Variants in MRC1 observed in about 807,000 individuals in gnomAD.
MRC1 encodes the protein mannose receptor C-type 1.
In MRC1, 62 loss-of-function variants were observed where a neutral mutation model predicts 102.9. The observed-to-expected ratio is 0.60, with a 90% CI of 0.49 to 0.74. The LOEUF is 0.74. Ranked by LOEUF, MRC1 falls within the 30% of genes least tolerant of loss-of-function variation. MRC1 has a pLI of 0.00. For synonymous variants in MRC1, 457 were observed against 298.4 expected (o/e 1.53, Z -5.48); for missense variants, 1,237 against 862.8 (o/e 1.43, Z -5.43).
Position 17,895,550 on chromosome 10 carries a change from T to C in MRC1, c.3250+1238T>C, listed in dbSNP as rs1395147043. Among the ~76,000 whole-genome samples, 5 of 152,334 alleles carry C rather than the reference T, an allele frequency of 3.3e-5. No homozygotes were observed. In the East Asian group the frequency reaches 7.7e-4, roughly 23 times the overall value. The stretch of plus-strand genomic sequence containing the variant: ...TTTGTGCCTCATTATTTGTCCTATA[T>C]CTTGTGTGCCTTAAACATGTGGATA... On this transcript the variant is annotated intron_variant, in intron 23 of 29. Transcript: ENST00000569591.
At chr10:17,810,227 T>C (rs1044026388) in intron 1 of MRC1, among the ~76,000 whole-genome samples, 60 of 152,308 alleles carry the variant, frequency 3.9e-4, no homozygotes, top group African/African-American at 1.4e-3. Context: ...CTTTTCTATT[T>C]CTCTATACTC....
chr10:17,810,538 GTC>G (rs1365858449), intron 1 of MRC1, among the ~76,000 whole-genome samples: 1 of 152,160 alleles, frequency 6.6e-6, no homozygotes, highest in Non-Finnish European at 1.5e-5. Context: ...TTTACATCCT[GTC>G]TCTCTCACTC....
At position 17,863,520 on chromosome 10, in the gene MRC1, T is replaced by C. The variant is rs1833215563; in HGVS notation, c.1635-14T>C. On this transcript the variant is annotated splice_polypyrimidine_tract_variant and intron_variant, in intron 10 of 29. Coordinates refer to ENST00000569591, the MANE Select transcript of MRC1 (RefSeq NM_002438.4). ...TTCAAAAACTTAATTGAATGTTAAT[T>C]CTTCTTTTTAAAGATATGAACAAGC... is the stretch of plus-strand genomic sequence containing the variant. 3.8e-6 allele frequency: 3 copies of C among 780,560 alleles called. No homozygotes were observed. The highest frequency in any genetic ancestry group is 7.2e-6 in the Non-Finnish European group (3 of 417,912). The allele number at this position is 780,560 out of a possible 1,614,324, so 48.4% of individuals were successfully genotyped here.
Position 17,810,926 on chromosome 10 carries a change from G to A in MRC1, c.61+1400G>A, listed in dbSNP as rs1489739553. ...TCCTGCCTCGGCCTCCCAAGTAGCT[G>A]GGATTACAGGCATGCACCACCATGC... is the stretch of plus-strand genomic sequence containing the variant. On this transcript the variant is annotated intron_variant, in intron 1 of 29. Transcript: ENST00000569591. Among the ~76,000 whole-genome samples the A allele has an allele frequency of 5.9e-5, 9 of 152,232 alleles. No individual in the cohort carries two copies. The East Asian group carries it at 9.7e-4, about 16-fold the overall frequency.
At chr10:17,845,635 G>T (rs1353796047) in intron 6 of MRC1, among the ~76,000 whole-genome samples, 200 bp downstream of exon 6, 3 of 152,080 alleles carry the variant, frequency 2.0e-5, no homozygotes, top group Admixed American at 2.0e-4. Flanking sequence ...GGGCATTGTG[G>T]AGATCCTCTG....
intron 11 of MRC1, among the ~76,000 whole-genome samples, chr10:17,864,583 C>T (rs1833234164): frequency 6.6e-6 from 1 of 152,096 alleles, no homozygotes; most frequent in Non-Finnish European, 1.5e-5. Flanking sequence ...AATCTCAACA[C>T]TTTGGGAGGC....
At chr10:17,847,597 T>C (rs1838844582) in intron 6 of MRC1, among the ~76,000 whole-genome samples, 3 of 152,310 alleles carry the variant, frequency 2.0e-5, no homozygotes, top group Admixed American at 1.3e-4. Context: ...CCCTGTGAAT[T>C]ATTGTAACAC....
rs1833953000 is a variant in MRC1, at chr10:17,910,376, CTG to C, written c.4284_4285del (p.Tyr1429PhefsTer2). ...LPQEGAFENT[L>X]YFNSQSSPGT... ...TCAAGAGGGCGCCTTTGAAAACACT[CTG>C]TATTTTAACAGTCAGTCAAGCCCAG... On this transcript the variant is annotated frameshift_variant, in exon 30 of 30. Transcript: ENST00000569591. LOFTEE classifies it high-confidence loss of function. The C allele has an allele frequency of 1.3e-6, 1 of 780,718 alleles. No homozygotes were observed. The highest frequency in any genetic ancestry group is 1.3e-5 in the South Asian group (1 of 74,614). The allele number at this position is 780,718 out of a possible 1,614,324, so 48.4% of individuals were successfully genotyped here.
chr10:17,871,080 C>T lies in MRC1; in HGVS notation c.2199+145C>T, dbSNP rs1833348981. The T allele has an allele frequency of 5.7e-6, 4 of 698,340 alleles. No homozygotes were observed. The South Asian group carries it at 6.9e-5, about 12-fold the overall frequency. The allele number at this position is 698,340 out of a possible 1,614,324, so 43.3% of individuals were successfully genotyped here. A position where few individuals can be genotyped will look rare whatever the true frequency, so the allele number is the denominator to read the frequency against. ...CATGCAAAATTGATGTGCAGGTAAA[C>T]TTCCTAAAACTTGCGTGTTTTATAC... On this transcript the variant is annotated intron_variant, in intron 14 of 29. Coordinates refer to ENST00000569591, the MANE Select transcript of MRC1 (RefSeq NM_002438.4).
chr10:17,822,220 T>C (rs1302932111), intron 1 of MRC1, among the ~76,000 whole-genome samples: 1 of 152,244 alleles, frequency 6.6e-6, no homozygotes, highest in Non-Finnish European at 1.5e-5. Context: ...TCTCATAAAA[T>C]ATTCTCTCCA....
chr10:17,837,097 A>G (rs1236579700), intron 4 of MRC1, among the ~76,000 whole-genome samples: 2 of 152,158 alleles, frequency 1.3e-5, no homozygotes, highest in African/African-American at 2.4e-5. Context: ...GGACTCTGCT[A>G]TCGGACTCGA....
intron 15 of MRC1, 61 bp downstream of exon 15, chr10:17,872,187 A>T: frequency 1.3e-6 from 1 of 778,974 alleles, no homozygotes; most frequent in Non-Finnish European, 2.4e-6. Flanking sequence ...GACACCCCAG[A>T]ATCTTTCCTT....
intron 12 of MRC1, among the ~76,000 whole-genome samples, chr10:17,869,835 A>G (rs1833329605): frequency 6.6e-6 from 1 of 152,174 alleles, no homozygotes; most frequent in Non-Finnish European, 1.5e-5. Flanking sequence ...TAGAAAAGTT[A>G]TTTTCCTTCA....
intron 8 of MRC1, among the ~76,000 whole-genome samples, chr10:17,855,507 C>T (rs1833074043): frequency 7.7e-6 from 1 of 129,048 alleles, no homozygotes; most frequent in Non-Finnish European, 1.6e-5. Flanking sequence ...GGAGGTGGAG[C>T]TTGCAGTGAG....
At chr10:17,868,909 A>G (rs1833316619) in intron 12 of MRC1, among the ~76,000 whole-genome samples, 1 of 152,220 alleles carries the variant, frequency 6.6e-6, no homozygotes, top group Non-Finnish European at 1.5e-5. Flanking sequence ...ACTAACACAA[A>G]GAAAATCAAG....
intron 8 of MRC1, among the ~76,000 whole-genome samples, chr10:17,853,655 T>C (rs1305773020): frequency 2.0e-5 from 3 of 152,026 alleles, no homozygotes; most frequent in Non-Finnish European, 1.5e-5. Context: ...GTGAGAGATA[T>C]ATATACACCA....
chr10:17,895,586 G>A (rs1370502591), intron 23 of MRC1, among the ~76,000 whole-genome samples: 2 of 152,044 alleles, frequency 1.3e-5, no homozygotes, highest in African/African-American at 4.8e-5. Flanking sequence ...TATGATCTGA[G>A]TTTCTTTTTT....
At chr10:17,843,704 C>T (rs1204545859) in intron 5 of MRC1, among the ~76,000 whole-genome samples, 13 of 151,956 alleles carry the variant, frequency 8.6e-5, no homozygotes, top group Admixed American at 7.9e-4. Flanking sequence ...TATTACTAAC[C>T]ATTATTTTCT....
At position 17,840,674 on chromosome 10, in the gene MRC1, G is replaced by C; in HGVS notation, c.803-19G>C. ...TGCCAAGTTCTTGTTTGTTTGTTTT[G>C]CTTTCTTTAAAAATATAGGATTAAC... On this transcript the variant is annotated intron_variant, in intron 4 of 29. Transcript: ENST00000569591. 4 of 780,042 alleles carry C rather than the reference G, an allele frequency of 5.1e-6. No individual in the cohort carries two copies. Among genetic ancestry groups the C allele is most frequent in the Non-Finnish European group, 9.6e-6 (4 of 417,718 alleles). The allele number at this position is 780,042 out of a possible 1,614,324, so 48.3% of individuals were successfully genotyped here. A position where few individuals can be genotyped will look rare whatever the true frequency, so the allele number is the denominator to read the frequency against.
Sources: gnomAD v4.1 joint callset for allele counts (sites outside exome capture counted in the v4.1 genomes callset) on GRCh38, gnomAD v4.1.1 for gene constraint, MANE v1.5 for transcripts, NCBI Gene and HGNC (gene_info 2026-07-23, HGNC 2026-07-21) for gene names.